The following TRAPPC9 variants were observed in gnomAD, a reference collection of about 807,000 sequenced individuals.
TRAPPC9 encodes IKK2 binding protein.
TRAPPC9 carries 83 observed loss-of-function variants against 124.0 expected under a neutral mutation model. The ratio of observed to expected loss-of-function variants is 0.67; its 90% CI spans 0.56 to 0.80. TRAPPC9 has a LOEUF of 0.80. Ranked by LOEUF, TRAPPC9 falls within the 30% of genes least tolerant of loss-of-function variation. The probability of loss-of-function intolerance (pLI) is 0.00; values close to 1 mark genes in which losing one functional copy is unlikely to be tolerated. For synonymous variants in TRAPPC9, 638 were observed against 617.5 expected (o/e 1.03, Z -0.49); for missense variants, 1,302 against 1,508.3 (o/e 0.86, Z 2.27).
At chr8:140,247,511 GT>G (rs10709306) in intron 16 of TRAPPC9, among the ~76,000 whole-genome samples, 9,485 of 151,866 alleles carry the variant, frequency 0.062, 522 homozygotes, top group African/African-American at 0.15. Flanking sequence ...CTCATTCTAA[GT>G]CAAGATTCTC....
intron 15 of TRAPPC9, among the ~76,000 whole-genome samples, chr8:140,273,426 C>T (rs888445163): frequency 4.6e-5 from 7 of 152,328 alleles, no homozygotes; most frequent in Admixed American, 4.6e-4. Context: ...TGATCCAGCT[C>T]GGCTTGGGCT....
intron 21 of TRAPPC9, among the ~76,000 whole-genome samples, chr8:139,791,242 C>T (rs979921157): frequency 9.2e-5 from 14 of 152,180 alleles, no homozygotes; most frequent in Admixed American, 2.0e-4. Flanking sequence ...CAGACACACT[C>T]GCACTCTAAC....
intron 5 of TRAPPC9, among the ~76,000 whole-genome samples, chr8:140,408,287 G>C (rs908608103): frequency 3.3e-5 from 5 of 152,162 alleles, no homozygotes; most frequent in South Asian, 2.1e-4. Flanking sequence ...TCACGGGGAG[G>C]GGGGAAGGTT....
At chr8:139,954,349 A>G (rs1417282973) in intron 19 of TRAPPC9, among the ~76,000 whole-genome samples, 2 of 152,176 alleles carry the variant, frequency 1.3e-5, no homozygotes, top group Non-Finnish European at 1.5e-5. Context: ...AGTAATTCAT[A>G]TGTTGTACGC....
chr8:139,985,795 T>C (rs1370928817), intron 19 of TRAPPC9, among the ~76,000 whole-genome samples: 1 of 152,172 alleles, frequency 6.6e-6, no homozygotes, highest in African/African-American at 2.4e-5. Context: ...AGTGAGTGCA[T>C]TAGCATGGAA....
chr8:139,764,673 CGGAAA>C (rs1820467532), intron 21 of TRAPPC9, among the ~76,000 whole-genome samples: 2 of 152,076 alleles, frequency 1.3e-5, no homozygotes, highest in African/African-American at 4.8e-5. Context: ...ACTTAATGAC[CGGAAA>C]CCCCAAGTTG....
rs1468935726 is a variant in TRAPPC9 at position 139,988,641 on chromosome 8, G to A, written c.2810+85C>T. The A allele has an allele frequency of 1.8e-5, 16 of 880,704 alleles. No homozygotes were observed. In the South Asian group the frequency reaches 1.8e-4, roughly 10 times the overall value. The allele number at this position is 880,704 out of a possible 1,614,324, so 54.6% of individuals were successfully genotyped here. On this transcript the variant is annotated intron_variant, in intron 19 of 22. Coordinates refer to ENST00000438773, the MANE Select transcript of TRAPPC9 (RefSeq NM_001160372.4). ...AACTGCCCATCCTCTGAGGACTTGG[G>A]GTGGATTATCTCCACACCCTCCCAA...
At chr8:140,395,875 G>A (rs752218858) in intron 7 of TRAPPC9, among the ~76,000 whole-genome samples, 65 of 151,860 alleles carry the variant, frequency 4.3e-4, no homozygotes, top group Non-Finnish European at 7.2e-4. Flanking sequence ...TGCCCTCCTC[G>A]GAGCCCGGCC....
chr8:139,994,331 C>T (rs971883569), intron 18 of TRAPPC9, among the ~76,000 whole-genome samples: 3 of 152,160 alleles, frequency 2.0e-5, no homozygotes, highest in Non-Finnish European at 4.4e-5. Flanking sequence ...ACACTGTGCG[C>T]CTGAGGCACA....
chr8:139,976,181 G>A (rs959353643), intron 19 of TRAPPC9, among the ~76,000 whole-genome samples: 6 of 151,970 alleles, frequency 3.9e-5, no homozygotes, highest in Non-Finnish European at 7.4e-5. Flanking sequence ...GTGAGCCACC[G>A]CGCCTGGCCA....
At chr8:139,906,971 G>A (rs915451624) in intron 20 of TRAPPC9, among the ~76,000 whole-genome samples, 4 of 151,626 alleles carry the variant, frequency 2.6e-5, no homozygotes, top group East Asian at 2.0e-4. Flanking sequence ...ATCTCTCTAC[G>A]TGAACGGGAA....
chr8:140,292,381 G>C (rs1430501329), intron 11 of TRAPPC9, among the ~76,000 whole-genome samples: 1 of 152,174 alleles, frequency 6.6e-6, no homozygotes, highest in Non-Finnish European at 1.5e-5. Context: ...GCTGGATTCA[G>C]GCCTCTGAAC....
At chr8:140,159,022 G>A (rs181498870) in intron 17 of TRAPPC9, among the ~76,000 whole-genome samples, 249 of 152,338 alleles carry the variant, frequency 1.6e-3, no homozygotes, top group African/African-American at 5.6e-3. Context: ...GTTGCAGCAT[G>A]TGTAAGACAG....
rs374502628 is a variant in TRAPPC9, at chr8:139,748,382, C to T, written c.3056-16180G>A. Among the ~76,000 whole-genome samples, 19 of 64,728 alleles carry T rather than the reference C, an allele frequency of 2.9e-4. No homozygotes were observed. In the East Asian group the frequency reaches 8.0e-3, roughly 27 times the overall value. 42.5% of individuals were successfully genotyped at this position (64,728 alleles called of 152,430 possible). A position where few individuals can be genotyped will look rare whatever the true frequency, so the allele number is the denominator to read the frequency against. ...GCAGGAGTCAGAGCAGGTAGGGGGG[C>T]GTACAGGGGTCAGAGCAGGTGTGGG... is the stretch of plus-strand genomic sequence containing the variant. On this transcript the variant is annotated intron_variant, in intron 21 of 22. Coordinates refer to ENST00000438773, the MANE Select transcript of TRAPPC9 (RefSeq NM_001160372.4).
chr8:139,765,461 T>C (rs748010153), intron 21 of TRAPPC9, among the ~76,000 whole-genome samples: 16 of 152,182 alleles, frequency 1.1e-4, no homozygotes, highest in Non-Finnish European at 2.1e-4. Flanking sequence ...AGAAGGTTAG[T>C]AGCCAATATC....
chr8:140,337,698 G>A (rs2067080264), intron 9 of TRAPPC9, among the ~76,000 whole-genome samples: 3 of 152,340 alleles, frequency 2.0e-5, no homozygotes, highest in Admixed American at 2.0e-4. Flanking sequence ...CTGCCTAGGT[G>A]TCAGATGGGC....
intron 9 of TRAPPC9, among the ~76,000 whole-genome samples, chr8:140,323,891 A>T (rs1468966074): frequency 9.1e-6 from 1 of 110,246 alleles, no homozygotes; most frequent in Non-Finnish European, 1.9e-5. Context: ...TTTTTTAAAA[A>T]ATATATTTTT....
chr8:140,051,205 C>T (rs927080661), intron 17 of TRAPPC9, among the ~76,000 whole-genome samples: 4 of 152,216 alleles, frequency 2.6e-5, no homozygotes, highest in Non-Finnish European at 5.9e-5. Flanking sequence ...CCTGAAGGGG[C>T]GGTGGAGCCT....
intron 21 of TRAPPC9, among the ~76,000 whole-genome samples, chr8:139,786,689 C>A (rs896633476): frequency 6.6e-6 from 1 of 152,184 alleles, no homozygotes; most frequent in African/African-American, 2.4e-5. Context: ...TGGATCAGAA[C>A]TGTTATGGTA....
Sources: gnomAD v4.1 joint callset for allele counts (sites outside exome capture counted in the v4.1 genomes callset) on GRCh38, gnomAD v4.1.1 for gene constraint, MANE v1.5 for transcripts, NCBI Gene and HGNC (gene_info 2026-07-23, HGNC 2026-07-21) for gene names.